USP45: variants seen among roughly 807,000 people sequenced by gnomAD.
USP45 encodes ubiquitin specific peptidase 45.
In USP45, 89 loss-of-function variants were observed where a neutral mutation model predicts 95.8. That is an observed-to-expected ratio of 0.93 (90% CI 0.78 to 1.11). The LOEUF is 1.11. Ranked by LOEUF, USP45 falls within the 50% of genes least tolerant of loss-of-function variation. The pLI is 0.00. For missense variants in USP45, 898 were observed against 942.5 expected (o/e 0.95, Z 0.62); for synonymous variants, 281 against 316.2 (o/e 0.89, Z 1.18).
intron 13 of USP45, among the ~76,000 whole-genome samples, chr6:99,450,382 A>G (rs1448312318): frequency 6.6e-6 from 1 of 152,214 alleles, no homozygotes; most frequent in East Asian, 1.9e-4. Flanking sequence ...AATACAAACT[A>G]CCATCAGAGA....
chr6:99,442,033 C>G (rs1025044863), intron 15 of USP45, among the ~76,000 whole-genome samples: 1 of 152,160 alleles, frequency 6.6e-6, no homozygotes, highest in Non-Finnish European at 1.5e-5. Flanking sequence ...CTGCTCCCTA[C>G]AATGCCCAAA....
chr6:99,491,858 G>A (rs993479418), intron 5 of USP45, among the ~76,000 whole-genome samples: 4 of 151,398 alleles, frequency 2.6e-5, no homozygotes, highest in Admixed American at 6.6e-5. Flanking sequence ...CAGAATGGCT[G>A]GAAGAAATAA....
At chr6:99,461,462 T>C in intron 13 of USP45, 1 of 985,434 alleles carries the variant, frequency 1.0e-6, no homozygotes, top group Non-Finnish European at 1.2e-6. Context: ...ATTTTTTCTG[T>C]ATTTAGGCCA....
At chr6:99,502,188 G>A (rs1202890072) in intron 5 of USP45, among the ~76,000 whole-genome samples, 1 of 152,206 alleles carries the variant, frequency 6.6e-6, no homozygotes, top group Non-Finnish European at 1.5e-5. Context: ...TAGTGCACAC[G>A]AATGCATGGG....
At chr6:99,506,709 C>G (rs1312188025) in intron 4 of USP45, among the ~76,000 whole-genome samples, 1 of 152,150 alleles carries the variant, frequency 6.6e-6, no homozygotes, top group Non-Finnish European at 1.5e-5. Context: ...ACTAGATTCT[C>G]AACCAGGATT....
intron 13 of USP45, among the ~76,000 whole-genome samples, chr6:99,453,581 C>T (rs1784384487): frequency 6.6e-6 from 1 of 152,086 alleles, no homozygotes; most frequent in Non-Finnish European, 1.5e-5. Context: ...ACTATGCTAC[C>T]CAAAGCAATC....
chr6:99,459,054 CAG>C (rs1168511315), intron 13 of USP45, among the ~76,000 whole-genome samples: 1 of 152,114 alleles, frequency 6.6e-6, no homozygotes, highest in Non-Finnish European at 1.5e-5. Context: ...ACTTGTGTCA[CAG>C]GGGTTTGTTA....
At chr6:99,464,566 T>C in intron 13 of USP45, 38 bp downstream of exon 13, 1 of 1,587,442 alleles carries the variant, frequency 6.3e-7, no homozygotes. Flanking sequence ...TAATAAACTG[T>C]TAAAAAACAG....
chr6:99,478,058 G>T (rs1791317426), intron 8 of USP45, among the ~76,000 whole-genome samples: 1 of 152,104 alleles, frequency 6.6e-6, no homozygotes, highest in South Asian at 2.1e-4. Context: ...TAGGAGGAGG[G>T]GGCAGTTTAT....
chr6:99,479,303 A>G (rs1791725346), intron 8 of USP45, among the ~76,000 whole-genome samples: 1 of 152,026 alleles, frequency 6.6e-6, no homozygotes, highest in Non-Finnish European at 1.5e-5. Flanking sequence ...CAAAACTCCT[A>G]GGCTCAAGTG....
chr6:99,505,610 C>T (rs1798337731), intron 4 of USP45, among the ~76,000 whole-genome samples: 1 of 147,900 alleles, frequency 6.8e-6, no homozygotes, highest in Admixed American at 6.8e-5. Flanking sequence ...CACTGCACTC[C>T]AGCCTGGGTG....
At chr6:99,513,883 G>T (rs1800492951) in intron 1 of USP45, among the ~76,000 whole-genome samples, 1 of 152,154 alleles carries the variant, frequency 6.6e-6, no homozygotes, top group Non-Finnish European at 1.5e-5. Context: ...CATCAAAATT[G>T]TGTCTGGGCA....
In USP45 at chr6:99,470,499, A is replaced by G. The variant is rs564443481; in HGVS notation, c.934-1881T>C. On this transcript the variant is annotated intron_variant, in intron 9 of 17. Coordinates refer to ENST00000500704, the MANE Select transcript of USP45 (RefSeq NM_001346022.3). ...TTTGAAAATTAATACAAGATTCAAA[A>G]CACTTAAATATTTTACAAAGTAGGG... Among the ~76,000 whole-genome samples, 3 of 152,348 alleles carry G rather than the reference A, an allele frequency of 2.0e-5. No individual in the cohort carries two copies. The South Asian group carries it at 6.2e-4, about 32-fold the overall frequency.
rs527976379 is a variant in USP45, at chr6:99,436,595, T to C, written c.2314+651A>G. On this transcript the variant is annotated intron_variant, in intron 17 of 17. Coordinates refer to ENST00000500704, the MANE Select transcript of USP45 (RefSeq NM_001346022.3). ...AAAGCAAAGTTAGTTGGATGACCCA[T>C]AAACAAAGCCAGCAAATTTTCAACT... Among the ~76,000 whole-genome samples, 54 of 152,040 alleles carry C rather than the reference T, an allele frequency of 3.6e-4. No individual in the cohort carries two copies. The South Asian group carries it at 0.01, about 29-fold the overall frequency.
intron 13 of USP45, among the ~76,000 whole-genome samples, chr6:99,459,295 G>C (rs937354418): frequency 6.6e-6 from 1 of 152,186 alleles, no homozygotes; most frequent in African/African-American, 2.4e-5. Context: ...CTCCATCCAC[G>C]TTCCTGTAAA....
chr6:99,460,409 T>C (rs186076816), intron 13 of USP45, among the ~76,000 whole-genome samples: 1 of 152,270 alleles, frequency 6.6e-6, no homozygotes, highest in Admixed American at 6.5e-5. Context: ...CAAGAGTAAA[T>C]TGAGCCAACA....
chr6:99,500,839 A>G (rs2128773732), intron 5 of USP45, among the ~76,000 whole-genome samples: 1 of 152,298 alleles, frequency 6.6e-6, no homozygotes, highest in Non-Finnish European at 1.5e-5. Context: ...TGATCAAATG[A>G]ATCACTTCTA....
chr6:99,436,472 C>T, intron 17 of USP45, among the ~76,000 whole-genome samples: 1 of 152,088 alleles, frequency 6.6e-6, no homozygotes, highest in East Asian at 1.9e-4. Context: ...AGGAGAATCG[C>T]TTGAACCCGG....
At chr6:99,446,941 G>A (rs1393096674) in intron 13 of USP45, among the ~76,000 whole-genome samples, 5 of 151,982 alleles carry the variant, frequency 3.3e-5, no homozygotes, top group Admixed American at 2.6e-4. Context: ...ATAAAGTCTC[G>A]CCATGTTGCT....
Sources: gnomAD v4.1 joint callset for allele counts (sites outside exome capture counted in the v4.1 genomes callset) on GRCh38, gnomAD v4.1.1 for gene constraint, MANE v1.5 for transcripts, NCBI Gene and HGNC (gene_info 2026-07-23, HGNC 2026-07-21) for gene names.